MAPKAP1: variants seen among roughly 807,000 people sequenced by gnomAD.
The protein encoded by MAPKAP1 is target of rapamycin complex 2 subunit MAPKAP1.
Under a neutral mutation model 65.7 loss-of-function variants are expected in MAPKAP1, and 20 were observed. That is an observed-to-expected ratio of 0.30 (90% CI 0.21 to 0.44). MAPKAP1 has a LOEUF of 0.44. MAPKAP1 is among the 20% of genes least tolerant of loss of function. The pLI is 1.00. For synonymous variants in MAPKAP1, 222 were observed against 244.3 expected, an observed-to-expected ratio of 0.91 and a Z score of 0.85; for missense variants, 423 against 648.0, an observed-to-expected ratio of 0.65 and a Z score of 3.77.
chr9:125,442,678 C>T (rs1028797025), intron 11 of MAPKAP1, among the ~76,000 whole-genome samples: 1 of 152,154 alleles, frequency 6.6e-6, no homozygotes, highest in Non-Finnish European at 1.5e-5. Flanking sequence ...CAAGCACTCC[C>T]AGGCAGGCCC....
intron 3 of MAPKAP1, among the ~76,000 whole-genome samples, chr9:125,668,421 T>G (rs1834403153): frequency 6.6e-6 from 1 of 152,232 alleles, no homozygotes; most frequent in Admixed American, 6.5e-5. Context: ...ATAATAAACC[T>G]TAATATTATT....
At chr9:125,598,465 TTTA>T (rs144253432) in intron 4 of MAPKAP1, among the ~76,000 whole-genome samples, 1 of 152,306 alleles carries the variant, frequency 6.6e-6, no homozygotes, top group Non-Finnish European at 1.5e-5. Context: ...CCATTAAGCT[TTTA>T]TTATTAAGAA....
intron 9 of MAPKAP1, among the ~76,000 whole-genome samples, chr9:125,477,320 T>G (rs1854146441): frequency 6.6e-6 from 1 of 152,148 alleles, no homozygotes; most frequent in African/African-American, 2.4e-5. Context: ...GTACAAGTGG[T>G]GCAAATATCA....
rs1588096807 is a variant in MAPKAP1, at chr9:125,706,939, G to A, written c.-70+32C>T. ...GGGCAAGCTGGTGGGCTGACGGACG[G>A]GCGGGGAGCTGGCGGCTGGGGCAAC... is the stretch of plus-strand genomic sequence containing the variant. On this transcript the variant is annotated intron_variant, in intron 1 of 11. Coordinates refer to ENST00000265960, the MANE Select transcript of MAPKAP1 (RefSeq NM_001006617.3). The A allele has an allele frequency of 3.1e-5, 12 of 391,974 alleles. No individual in the cohort carries two copies. The East Asian group carries it at 4.3e-4, about 14-fold the overall frequency. The allele number at this position is 391,974 out of a possible 1,614,324, so 24.3% of individuals were successfully genotyped here.
At chr9:125,632,179 G>A (rs1478083626) in intron 4 of MAPKAP1, among the ~76,000 whole-genome samples, 5 of 147,864 alleles carry the variant, frequency 3.4e-5, no homozygotes, top group South Asian at 2.1e-4. Context: ...CTGAGATCAC[G>A]CCACTGCACT....
At chr9:125,686,424 C>T (rs754639296) in intron 1 of MAPKAP1, among the ~76,000 whole-genome samples, 4 of 152,092 alleles carry the variant, frequency 2.6e-5, no homozygotes, top group Non-Finnish European at 4.4e-5. Flanking sequence ...ATTCCAGGGA[C>T]CTAACTACAC....
At chr9:125,520,504 C>T (rs1383386338) in intron 7 of MAPKAP1, among the ~76,000 whole-genome samples, 1 of 152,136 alleles carries the variant, frequency 6.6e-6, no homozygotes, top group East Asian at 1.9e-4. Context: ...ACAATCTTCC[C>T]TCTACTTCAC....
At chr9:125,549,560 A>G (rs1370063689) in intron 6 of MAPKAP1, among the ~76,000 whole-genome samples, 1 of 152,198 alleles carries the variant, frequency 6.6e-6, no homozygotes, top group Non-Finnish European at 1.5e-5. Flanking sequence ...GGAGCATGCG[A>G]TGTTTGACAT....
At chr9:125,460,297 T>A (rs2132971663) in intron 10 of MAPKAP1, among the ~76,000 whole-genome samples, 1 of 152,060 alleles carries the variant, frequency 6.6e-6, no homozygotes, top group East Asian at 1.9e-4. Context: ...AAAAGGAGGC[T>A]TCTCCCAGGA....
At chr9:125,577,944 A>C (rs1831494642) in intron 5 of MAPKAP1, among the ~76,000 whole-genome samples, 1 of 151,802 alleles carries the variant, frequency 6.6e-6, no homozygotes, top group African/African-American at 2.4e-5. Flanking sequence ...CCAACAGCTC[A>C]TTGAGAACAG....
chr9:125,438,103 C>A lies in MAPKAP1; in HGVS notation c.*784G>T, dbSNP rs1852358561. 1 of 361,510 alleles carries A rather than the reference C, an allele frequency of 2.8e-6. No homozygotes were observed. The highest frequency in any genetic ancestry group is 4.7e-5 in the Admixed American group (1 of 21,500). The allele number at this position is 361,510 out of a possible 1,614,324, so 22.4% of individuals were successfully genotyped here. A position where few individuals can be genotyped will look rare whatever the true frequency, so the allele number is the denominator to read the frequency against. On this transcript the variant is annotated 3_prime_UTR_variant, in exon 12 of 12. Transcript: ENST00000265960. ...ACTTGCTACTTAAGAAACGGAAAGA[C>A]CATGTCTGGCTGGGAGTGCAGCGTG... is the stretch of plus-strand genomic sequence containing the variant.
intron 7 of MAPKAP1, among the ~76,000 whole-genome samples, chr9:125,507,877 A>T (rs890191847): frequency 2.6e-5 from 4 of 152,228 alleles, no homozygotes; most frequent in Non-Finnish European, 4.4e-5. Flanking sequence ...TTCTAATTTC[A>T]AAAGTGTTAA....
chr9:125,620,664 C>T (rs1230776453), intron 4 of MAPKAP1, among the ~76,000 whole-genome samples: 1 of 152,184 alleles, frequency 6.6e-6, no homozygotes, highest in East Asian at 1.9e-4. Context: ...CAATGGAATA[C>T]TATGCAGCTA....
At chr9:125,478,881 T>G (rs999208008) in intron 9 of MAPKAP1, among the ~76,000 whole-genome samples, 4 of 152,218 alleles carry the variant, frequency 2.6e-5, no homozygotes, top group African/African-American at 9.7e-5. Flanking sequence ...ATCAATGTGC[T>G]GTGTAGATTA....
In MAPKAP1 at chr9:125,655,197, A is replaced by G. The variant is rs571354383; in HGVS notation, c.498+2454T>C. 3.2e-4 allele frequency among the ~76,000 whole-genome samples: 48 copies of G among 152,286 alleles called. 1 individual carries two copies. In the South Asian group the frequency reaches 9.5e-3, roughly 30 times the overall value. On this transcript the variant is annotated intron_variant, in intron 4 of 11. Coordinates refer to ENST00000265960, the MANE Select transcript of MAPKAP1 (RefSeq NM_001006617.3). ...TGGTGTTCCAATGACAAGACAGTGA[A>G]TCATTAAAACAAGACACTCATTTCA...
intron 4 of MAPKAP1, among the ~76,000 whole-genome samples, chr9:125,602,620 T>C (rs913859038): frequency 2.0e-5 from 3 of 152,306 alleles, no homozygotes; most frequent in African/African-American, 7.2e-5. Flanking sequence ...AGAAAGTGCA[T>C]TCGTCTGTAC....
chr9:125,692,843 T>C (rs550071006), intron 1 of MAPKAP1, among the ~76,000 whole-genome samples: 4 of 152,200 alleles, frequency 2.6e-5, no homozygotes, highest in Non-Finnish European at 4.4e-5. Flanking sequence ...TTACATCAAA[T>C]AGACATCAAA....
At chr9:125,469,665 TG>T (rs1447047296) in intron 9 of MAPKAP1, among the ~76,000 whole-genome samples, 6 of 152,202 alleles carry the variant, frequency 3.9e-5, no homozygotes, top group African/African-American at 1.4e-4. Flanking sequence ...AATCGAACGC[TG>T]GAATTTGTCA....
intron 1 of MAPKAP1, among the ~76,000 whole-genome samples, chr9:125,692,483 A>T (rs992490776): frequency 1.3e-5 from 2 of 152,260 alleles, no homozygotes; most frequent in African/African-American, 4.8e-5. Context: ...AATGGTTGCC[A>T]GCAGCAGGAG....
Sources: allele counts gnomAD v4.1 joint callset (sites outside exome capture counted in the v4.1 genomes callset), GRCh38; gene constraint gnomAD v4.1.1; transcripts MANE v1.5; gene names NCBI Gene and HGNC (gene_info 2026-07-23, HGNC 2026-07-21).